Variants in DIP2C observed in about 807,000 individuals in gnomAD.
DIP2C encodes the protein disco-interacting protein 2 homolog C.
In DIP2C, 33 loss-of-function variants were observed where a neutral mutation model predicts 192.4. The ratio of observed to expected loss-of-function variants is 0.17; its 90% CI spans 0.13 to 0.23. The LOEUF (loss-of-function observed/expected upper bound fraction) is 0.23. Among genes scored for constraint, DIP2C ranks in the 10% least tolerant of loss-of-function variants. The pLI is 1.00. For synonymous variants in DIP2C, 979 were observed against 864.1 expected (o/e 1.13, Z -2.33); for missense variants, 1,537 against 2,110.1 (o/e 0.73, Z 5.32).
At chr10:393,735 C>T (rs1963677552) in intron 10 of DIP2C, among the ~76,000 whole-genome samples, 1 of 130,376 alleles carries the variant, frequency 7.7e-6, no homozygotes, top group East Asian at 2.5e-4. Flanking sequence ...GCAGAGATTG[C>T]GTCACTGCAC....
At chr10:311,428 C>T in intron 31 of DIP2C, 1 of 997,632 alleles carries the variant, frequency 1.0e-6, no homozygotes. Context: ...CCTGCAGACC[C>T]CCGGCCAATC....
At chr10:606,471 C>T (rs1852486434) in intron 1 of DIP2C, among the ~76,000 whole-genome samples, 3 of 151,786 alleles carry the variant, frequency 2.0e-5, no homozygotes, top group African/African-American at 7.3e-5. Context: ...GCGGTAATTA[C>T]CTGCTGTGAT....
intron 1 of DIP2C, among the ~76,000 whole-genome samples, chr10:633,387 C>T (rs1001821870): frequency 1.3e-5 from 2 of 152,008 alleles, no homozygotes; most frequent in Non-Finnish European, 2.9e-5. Flanking sequence ...GAGTCCGAGG[C>T]GGTGCCGCAG....
intron 1 of DIP2C, among the ~76,000 whole-genome samples, chr10:594,837 C>CT (rs745342142): frequency 4.7e-4 from 71 of 152,344 alleles, no homozygotes; most frequent in Admixed American, 1.9e-3. Context: ...TTACGACCTG[C>CT]TGCTGTGGAC....
At chr10:530,653 T>TAAAA (rs59344971) in intron 1 of DIP2C, among the ~76,000 whole-genome samples, 1,459 of 106,006 alleles carry the variant, frequency 0.014, 19 homozygotes, top group Non-Finnish European at 0.016. Context: ...CCCTATCTCT[T>TAAAA]AAAAAAAAAA....
At chr10:347,639 C>A (rs1343109581) in intron 26 of DIP2C, among the ~76,000 whole-genome samples, 1 of 129,078 alleles carries the variant, frequency 7.7e-6, no homozygotes, top group African/African-American at 3.1e-5. Flanking sequence ...AGACACATCG[C>A]GCATAGTTCT....
At chr10:548,513 G>A (rs1282356966) in intron 1 of DIP2C, among the ~76,000 whole-genome samples, 1 of 150,874 alleles carries the variant, frequency 6.6e-6, no homozygotes, top group East Asian at 2.0e-4. Flanking sequence ...CCAGGAGGGA[G>A]GGAGGGAGGC....
intron 1 of DIP2C, among the ~76,000 whole-genome samples, chr10:524,900 G>A (rs189723102): frequency 1.5e-3 from 223 of 145,720 alleles, no homozygotes; most frequent in Admixed American, 4.9e-3. Flanking sequence ...GAAGATGCCC[G>A]TGCAGATGTT....
At chr10:385,191 C>T (rs746204228) in intron 14 of DIP2C, among the ~76,000 whole-genome samples, 2 of 151,538 alleles carry the variant, frequency 1.3e-5, no homozygotes, top group African/African-American at 4.9e-5. Flanking sequence ...CCACGGACAC[C>T]GGGCTGCACA....
chr10:514,409 T>C (rs1846220352), intron 1 of DIP2C, among the ~76,000 whole-genome samples: 2 of 152,170 alleles, frequency 1.3e-5, no homozygotes, highest in Non-Finnish European at 2.9e-5. Flanking sequence ...GGTGCTGGCT[T>C]CGTGCCGGGA....
rs377388754 is a variant in DIP2C, at chr10:390,248, G to A, written c.1494+16C>T. On this transcript the variant is annotated intron_variant, in intron 12 of 36. Transcript: ENST00000280886. The stretch of plus-strand genomic sequence containing the variant: ...GCCACACTCAGGGCCAGTGGAGGAG[G>A]CCAAGGCTGACTCACCTCAATATAC... 2.5e-6 allele frequency: 4 copies of A among 1,611,892 alleles called. No homozygotes were observed. The highest frequency in any genetic ancestry group is 2.7e-5 in the African/African-American group (2 of 74,814).
chr10:545,692 T>C (rs1251126597), intron 1 of DIP2C, among the ~76,000 whole-genome samples: 2 of 152,230 alleles, frequency 1.3e-5, no homozygotes, highest in Admixed American at 1.3e-4. Flanking sequence ...CCCAGCAGAC[T>C]GACAAAATGG....
intron 1 of DIP2C, among the ~76,000 whole-genome samples, chr10:637,044 ACTG>A: frequency 6.6e-6 from 1 of 152,250 alleles, no homozygotes; most frequent in East Asian, 1.9e-4. Context: ...GGAGGTGTGA[ACTG>A]CACAGGCGTG....
rs558451400 is a variant in DIP2C, at chr10:609,408, C to T, written c.85+80086G>A. 5.3e-5 allele frequency among the ~76,000 whole-genome samples: 8 copies of T among 152,266 alleles called. No individual in the cohort carries two copies. In the South Asian group the frequency reaches 1.0e-3, roughly 20 times the overall value. On this transcript the variant is annotated intron_variant, in intron 1 of 36. Transcript: ENST00000280886. ...TTACATTCACTTACAATCTATCAAA[C>T]AATACTGGAGCAAGCTTGAAATACT...
Position 385,906 on chromosome 10 carries a change from C to G in DIP2C, c.1663-1267G>C, listed in dbSNP as rs72772862. On this transcript the variant is annotated intron_variant, in intron 14 of 36. Transcript: ENST00000280886. ...ACTCCCCAGAGCTCTGCCGACTCCC[C>G]GCCACTCTGCTGGGGGAGGTAAGGG... is the stretch of plus-strand genomic sequence containing the variant. Among the ~76,000 whole-genome samples the G allele has an allele frequency of 6.4e-3, 976 of 152,256 alleles. 16 individuals are homozygous for G. The highest frequency in any genetic ancestry group is 0.01 in the Non-Finnish European group (696 of 68,012).
intron 17 of DIP2C, among the ~76,000 whole-genome samples, chr10:380,392 T>G (rs1962256304): frequency 6.6e-6 from 1 of 151,270 alleles, no homozygotes; most frequent in Non-Finnish European, 1.5e-5. Flanking sequence ...TGGATGATGG[T>G]TAATGCGCAG....
chr10:662,642 T>C (rs2132087926), intron 1 of DIP2C: 4 of 567,088 alleles, frequency 7.1e-6, no homozygotes, highest in Non-Finnish European at 1.3e-5. Context: ...AGACTTGATA[T>C]GGGGGAATTT....
intron 1 of DIP2C, among the ~76,000 whole-genome samples, chr10:577,099 A>G (rs1040608564): frequency 1.3e-5 from 2 of 152,176 alleles, no homozygotes; most frequent in East Asian, 1.9e-4. Context: ...AAGTGTGACT[A>G]ACAACAAAAA....
At chr10:411,692 C>A (rs1385465832) in intron 8 of DIP2C, among the ~76,000 whole-genome samples, 1 of 151,830 alleles carries the variant, frequency 6.6e-6, no homozygotes, top group African/African-American at 2.4e-5. Flanking sequence ...TCATTCGATA[C>A]CAAATTACTC....
Sources: gnomAD v4.1 joint callset for allele counts (sites outside exome capture counted in the v4.1 genomes callset) on GRCh38, gnomAD v4.1.1 for gene constraint, MANE v1.5 for transcripts, NCBI Gene and HGNC (gene_info 2026-07-23, HGNC 2026-07-21) for gene names.